DMD: variants seen among roughly 807,000 people sequenced by gnomAD.
DMD encodes the protein dystrophin.
DMD carries 63 observed loss-of-function variants against 330.1 expected under a neutral mutation model. That is an observed-to-expected ratio of 0.19 (90% confidence interval 0.16 to 0.24). The LOEUF is 0.24. Among genes scored for constraint, DMD ranks in the 10% least tolerant of loss-of-function variants. The pLI, the probability that DMD is intolerant of heterozygous loss-of-function variation, is 1.00. For missense variants in DMD, 3,344 were observed against 2,684.1 expected (o/e 1.25, Z -5.43); for synonymous variants, 1,223 against 959.8 (o/e 1.27, Z -5.07).
chrX:32,737,322 G>A (rs1454097136), intron 7 of DMD, among the ~76,000 whole-genome samples: 2 of 111,331 alleles, frequency 1.8e-5, no homozygotes, highest in Non-Finnish European at 3.8e-5. Context: ...ATGTGATTTA[G>A]TGTGAGGAAA....
intron 9 of DMD, among the ~76,000 whole-genome samples, chrX:32,681,998 C>A (rs933836153): frequency 2.0e-4 from 22 of 111,440 alleles, no homozygotes; most frequent in Non-Finnish European, 3.4e-4. Flanking sequence ...TATTTGATGC[C>A]AAGCTAGTAG....
At chrX:32,786,086 AGTGTGTGT>A (rs368269067) in intron 7 of DMD, among the ~76,000 whole-genome samples, 122 of 96,561 alleles carry the variant, frequency 1.3e-3, no homozygotes, top group Middle Eastern at 5.6e-3. Flanking sequence ...GAGGAATAAG[AGTGTGTGT>A]GTGTGTGTGT....
At chrX:32,780,375 T>A (rs919710985) in intron 7 of DMD, among the ~76,000 whole-genome samples, 2 of 112,400 alleles carry the variant, frequency 1.8e-5, no homozygotes, top group Non-Finnish European at 1.9e-5. Flanking sequence ...TAACAGCTTA[T>A]TCTGTAAGAA....
chrX:31,973,642 C>T (rs1013737707), intron 44 of DMD, among the ~76,000 whole-genome samples: 1 of 111,038 alleles, frequency 9.0e-6, no homozygotes, highest in African/African-American at 3.3e-5. Context: ...ACTTCCTTGA[C>T]GATACTGTTA....
At chrX:32,343,334 G>A (rs1036615903) in intron 39 of DMD, 48 bp from the exon 40 acceptor site, 14 of 1,058,711 alleles carry the variant, frequency 1.3e-5, no homozygotes, top group African/African-American at 1.3e-4. Flanking sequence ...TATGTATAGT[G>A]CACTTCTGGC....
At chrX:31,351,725 C>CAAAAAAAAAAAAAAAAAAAAAAAAAA (rs3061693) in intron 60 of DMD, among the ~76,000 whole-genome samples, 9 of 53,027 alleles carry the variant, frequency 1.7e-4, no homozygotes, top group African/African-American at 6.0e-4. Flanking sequence ...GACTCCATCT[C>CAAAAAAAAAAAAAAAAAAAAAAAAAA]AAAAAAAAAA....
chrX:32,004,949 T>C (rs763098451), intron 44 of DMD, among the ~76,000 whole-genome samples: 9 of 111,462 alleles, frequency 8.1e-5, no homozygotes, highest in African/African-American at 1.6e-4. Flanking sequence ...TGATCTCTCA[T>C]GCCTGCAAGT....
At chrX:31,321,583 C>CAAAAAAAAAAAAAAAAAAAAAAAA (rs1190446358) in intron 62 of DMD, among the ~76,000 whole-genome samples, 3 of 10,472 alleles carry the variant, frequency 2.9e-4, no homozygotes, top group African/African-American at 5.0e-4. Flanking sequence ...AACTCCATCT[C>CAAAAAAAAAAAAAAAAAAAAAAAA]AAAAAAAAAA....
At chrX:31,841,130 G>T (rs1172124853) in intron 48 of DMD, among the ~76,000 whole-genome samples, 3 of 111,802 alleles carry the variant, frequency 2.7e-5, no homozygotes, top group Non-Finnish European at 5.6e-5. Context: ...TAGTGAACAT[G>T]CAAATGATAA....
chrX:33,142,677 T>G (rs938041526), intron 1 of DMD, among the ~76,000 whole-genome samples: 2 of 112,219 alleles, frequency 1.8e-5, no homozygotes, highest in African/African-American at 6.5e-5. Context: ...AAAGATAAGG[T>G]TAATGGAATT....
chrX:31,902,090 G>T (rs1015114513), intron 47 of DMD, among the ~76,000 whole-genome samples: 1 of 111,624 alleles, frequency 9.0e-6, no homozygotes, highest in Non-Finnish European at 1.9e-5. Context: ...TTTATGGAAT[G>T]AACAAACCCA....
intron 17 of DMD, among the ~76,000 whole-genome samples, chrX:32,544,587 T>A (rs772369061): frequency 1.8e-4 from 20 of 111,664 alleles, no homozygotes; most frequent in African/African-American, 5.8e-4. Flanking sequence ...TGCATAATTC[T>A]GAATAGTCAC....
At chrX:31,569,175 A>C (rs867292387) in intron 55 of DMD, among the ~76,000 whole-genome samples, 1 of 109,213 alleles carries the variant, frequency 9.2e-6, no homozygotes, top group African/African-American at 3.3e-5. Flanking sequence ...CCATTCTACT[A>C]TTTTCTTTCT....
At chrX:33,339,177 C>T (rs2054298686) in intron 1 of DMD, 2 of 976,817 alleles carry the variant, frequency 2.0e-6, no homozygotes, top group African/African-American at 4.0e-5. Context: ...CAGCTACCAA[C>T]AGCTGCTTGT....
chrX:31,608,837 A>C (rs2148279033), intron 55 of DMD, among the ~76,000 whole-genome samples: 1 of 111,494 alleles, frequency 9.0e-6, no homozygotes, highest in South Asian at 3.8e-4. Flanking sequence ...CCAACCCCTA[A>C]GACTAGGGGT....
intron 2 of DMD, among the ~76,000 whole-genome samples, chrX:32,950,716 T>C (rs768983561): frequency 9.9e-5 from 11 of 111,266 alleles, no homozygotes; most frequent in Non-Finnish European, 3.8e-5. Context: ...CCAGAAAAAA[T>C]GAACTTTCTT....
intron 7 of DMD, among the ~76,000 whole-genome samples, chrX:32,730,905 G>A (rs770719659): frequency 5.4e-5 from 6 of 111,667 alleles, no homozygotes; most frequent in African/African-American, 1.3e-4. Flanking sequence ...TTGAGAGGAG[G>A]AGCCAAGATG....
intron 60 of DMD, among the ~76,000 whole-genome samples, chrX:31,356,762 T>C (rs1344612072): frequency 8.9e-6 from 1 of 111,996 alleles, no homozygotes; most frequent in Non-Finnish European, 1.9e-5. Flanking sequence ...ATTGACTTCA[T>C]AGACCCAAGT....
chrX:33,179,703 A>G (rs1451637747), intron 1 of DMD, among the ~76,000 whole-genome samples: 14 of 110,766 alleles, frequency 1.3e-4, no homozygotes, highest in Admixed American at 5.7e-4. Context: ...CAAAAAAAAA[A>G]AAAGAAAGAA....
Sources: allele counts gnomAD v4.1 joint callset (sites outside exome capture counted in the v4.1 genomes callset), GRCh38; gene constraint gnomAD v4.1.1; transcripts MANE v1.5; gene names NCBI Gene and HGNC (gene_info 2026-07-23, HGNC 2026-07-21).